Variants in NSRP1 observed in about 807,000 individuals in gnomAD.
NSRP1 encodes the protein coiled-coil domain containing 55.
A neutral mutation model predicts 54.7 loss-of-function variants in NSRP1; 24 were observed. That is an observed-to-expected ratio of 0.44 (90% CI 0.32 to 0.62). The LOEUF is 0.62. NSRP1 is among the 20% of genes least tolerant of loss of function. The pLI, the probability that NSRP1 is intolerant of heterozygous loss-of-function variation, is 0.06. For synonymous variants in NSRP1, 210 were observed against 213.8 expected (o/e 0.98, Z 0.15); for missense variants, 596 against 651.2 (o/e 0.92, Z 0.92).
intron 2 of NSRP1, among the ~76,000 whole-genome samples, chr17:30,125,024 C>T (rs2071637535): frequency 1.3e-5 from 2 of 152,076 alleles, no homozygotes; most frequent in Admixed American, 6.6e-5. Context: ...TATGGTGAAA[C>T]ACCATCTCTA....
intron 3 of NSRP1, among the ~76,000 whole-genome samples, chr17:30,175,347 A>G (rs182784738): frequency 6.6e-6 from 1 of 151,568 alleles, no homozygotes; most frequent in Non-Finnish European, 1.5e-5. Context: ...GTTTTTGATT[A>G]CCTTTTTGTT....
At chr17:30,127,941 C>T (rs2071665370) in intron 2 of NSRP1, 2 of 397,764 alleles carry the variant, frequency 5.0e-6, no homozygotes, top group Non-Finnish European at 8.9e-6. Context: ...CCGAAGCACG[C>T]CTCTCACCTC....
At chr17:30,182,335 T>C (rs940693521) in intron 6 of NSRP1, among the ~76,000 whole-genome samples, 2 of 152,106 alleles carry the variant, frequency 1.3e-5, no homozygotes, top group African/African-American at 4.8e-5. Flanking sequence ...GTGTAGCTAC[T>C]TAAATTAATT....
At chr17:30,127,226 A>C (rs573073521) in intron 2 of NSRP1, among the ~76,000 whole-genome samples, 36 of 152,340 alleles carry the variant, frequency 2.4e-4, no homozygotes, top group African/African-American at 8.4e-4. Context: ...TGCATGACAG[A>C]TTAAACCTAG....
intron 2 of NSRP1, among the ~76,000 whole-genome samples, chr17:30,130,495 G>C (rs1381254575): frequency 6.6e-6 from 1 of 152,050 alleles, no homozygotes; most frequent in Non-Finnish European, 1.5e-5. Flanking sequence ...TATTTCTTAA[G>C]TTTTTGATTG....
At chr17:30,163,767 C>T (rs563939053) in intron 2 of NSRP1, among the ~76,000 whole-genome samples, 78 of 151,188 alleles carry the variant, frequency 5.2e-4, no homozygotes, top group African/African-American at 1.9e-3. Flanking sequence ...CTGCAACCTC[C>T]ACCTCCTGGG....
At chr17:30,173,113 G>A (rs2143008646) in intron 3 of NSRP1, among the ~76,000 whole-genome samples, 1 of 152,108 alleles carries the variant, frequency 6.6e-6, no homozygotes, top group South Asian at 2.1e-4. Context: ...AAAGGCGCAT[G>A]CCACCATGCC....
At chr17:30,142,960 A>G (rs754965262) in intron 2 of NSRP1, among the ~76,000 whole-genome samples, 2 of 152,176 alleles carry the variant, frequency 1.3e-5, no homozygotes, top group African/African-American at 2.4e-5. Context: ...GTACAATCTC[A>G]TTGCACTCTT....
chr17:30,174,285 A>G (rs759444909), intron 3 of NSRP1, among the ~76,000 whole-genome samples: 1 of 151,828 alleles, frequency 6.6e-6, no homozygotes, highest in Non-Finnish European at 1.5e-5. Context: ...TGCTGCTACA[A>G]CTCTTACACC....
At chr17:30,176,003 C>A (rs529514205) in intron 3 of NSRP1, among the ~76,000 whole-genome samples, 14 of 39,422 alleles carry the variant, frequency 3.6e-4, no homozygotes, top group Admixed American at 3.3e-3. Context: ...ACTCCGAACC[C>A]CCCCCCCAAA....
intron 2 of NSRP1, among the ~76,000 whole-genome samples, chr17:30,172,302 A>G (rs1025496637): frequency 2.6e-5 from 4 of 152,216 alleles, no homozygotes; most frequent in African/African-American, 7.2e-5. Flanking sequence ...TCTGAAAATC[A>G]AAAATCCTAA....
rs2071538634 is a variant in NSRP1 at position 30,116,921 on chromosome 17, C to A, written c.20+58C>A. On this transcript the variant is annotated intron_variant, in intron 1 of 6. Coordinates refer to ENST00000247026, the MANE Select transcript of NSRP1 (RefSeq NM_032141.4). ...GGATGAGAAACTACGGCGACTGTAT[C>A]TTTGGCCGAGGAGTTTTAAATGCGC... The A allele has an allele frequency of 5.2e-6, 8 of 1,550,700 alleles. No homozygotes were observed. In the Admixed American group the frequency reaches 1.4e-4, roughly 26 times the overall value.
At chr17:30,165,968 C>T (rs1044079312) in intron 2 of NSRP1, among the ~76,000 whole-genome samples, 2 of 151,940 alleles carry the variant, frequency 1.3e-5, no homozygotes, top group Non-Finnish European at 2.9e-5. Flanking sequence ...ATATTGTTTG[C>T]ATGCTTTTCT....
intron 6 of NSRP1, among the ~76,000 whole-genome samples, chr17:30,183,538 C>A (rs1009077264): frequency 3.9e-5 from 6 of 152,134 alleles, no homozygotes; most frequent in Non-Finnish European, 7.3e-5. Context: ...GTCTAATAAT[C>A]GAATTCCTAA....
chr17:30,122,349 T>TGTGTGTGTGTATATATATA (rs1481107161), intron 2 of NSRP1: 1 of 72,306 alleles, frequency 1.4e-5, no homozygotes, highest in African/African-American at 5.7e-5. Context: ...ATAACTCTGG[T>TGTGTGTGTGTATATATATA]TTCATATATA....
At chr17:30,175,537 G>A (rs1597620029) in intron 3 of NSRP1, among the ~76,000 whole-genome samples, 3 of 151,960 alleles carry the variant, frequency 2.0e-5, no homozygotes, top group South Asian at 2.1e-4. Flanking sequence ...GGATTCAAGC[G>A]ATTTTTCTGC....
intron 1 of NSRP1, 24 bp downstream of exon 1, chr17:30,116,887 C>G: frequency 6.4e-7 from 1 of 1,567,232 alleles, no homozygotes; most frequent in Non-Finnish European, 8.7e-7. Flanking sequence ...GAGTTAGGGT[C>G]AGGCTGGGGG....
At chr17:30,147,853 C>T (rs1046125002) in intron 2 of NSRP1, among the ~76,000 whole-genome samples, 1 of 151,850 alleles carries the variant, frequency 6.6e-6, no homozygotes, top group African/African-American at 2.4e-5. Context: ...CTCTTGTCCC[C>T]CTGGCTGGAG....
At chr17:30,124,655 A>T (rs1203384615) in intron 2 of NSRP1, among the ~76,000 whole-genome samples, 1 of 152,204 alleles carries the variant, frequency 6.6e-6, no homozygotes, top group Non-Finnish European at 1.5e-5. Flanking sequence ...GAGGCTGGGG[A>T]CCAGAGTTAC....
Sources: allele counts gnomAD v4.1 joint callset (sites outside exome capture counted in the v4.1 genomes callset), GRCh38; gene constraint gnomAD v4.1.1; transcripts MANE v1.5; gene names NCBI Gene and HGNC (gene_info 2026-07-23, HGNC 2026-07-21).